Variants in CUL1 observed in about 807,000 individuals in gnomAD.
CUL1 encodes the protein cullin 1, also known as cullin-1.
A neutral mutation model predicts 118.0 loss-of-function variants in CUL1; 24 were observed. The observed-to-expected ratio is 0.20, with a 90% CI of 0.15 to 0.29. The LOEUF is 0.29. Among genes scored for constraint, CUL1 ranks in the 10% least tolerant of loss-of-function variants. The probability of loss-of-function intolerance (pLI) is 1.00; values close to 1 mark genes in which losing one functional copy is unlikely to be tolerated. For synonymous variants in CUL1, 332 were observed against 340.4 expected, an observed-to-expected ratio of 0.98 and a Z score of 0.27; for missense variants, 361 against 933.8, an observed-to-expected ratio of 0.39 and a Z score of 7.99.
chr7:148,778,459 T>C (rs924678773), intron 9 of CUL1, among the ~76,000 whole-genome samples: 5 of 152,146 alleles, frequency 3.3e-5, no homozygotes, highest in Admixed American at 6.5e-5. Flanking sequence ...ATACTCTCTA[T>C]GGTTTTATTT....
chr7:148,720,380 G>C (rs546226697), intron 1 of CUL1, among the ~76,000 whole-genome samples: 2 of 152,208 alleles, frequency 1.3e-5, no homozygotes, highest in Admixed American at 6.5e-5. Flanking sequence ...ATAAGAAGGA[G>C]ATAGAATTCA....
At chr7:148,798,729 G>A in intron 20 of CUL1, 52 bp downstream of exon 20, 1 of 1,474,856 alleles carries the variant, frequency 6.8e-7, no homozygotes. Context: ...CGCAGGGATG[G>A]CTCGCAAGGA....
At position 148,741,456 on chromosome 7, in the gene CUL1, T is replaced by C. The variant is rs924989906; in HGVS notation, c.140+11194T>C. Among the ~76,000 whole-genome samples, 4 of 150,728 alleles carry C rather than the reference T, an allele frequency of 2.7e-5. No homozygotes were observed. In the East Asian group the frequency reaches 5.8e-4, roughly 22 times the overall value. On this transcript the variant is annotated intron_variant, in intron 2 of 21. Coordinates refer to ENST00000325222, the MANE Select transcript of CUL1 (RefSeq NM_003592.3). ...ATTTATTTAGTTATTTACTTACTTA[T>C]TTTGAGACAGAGTCTTGCTGTAATT...
chr7:148,741,561 C>G (rs538479561), intron 2 of CUL1, among the ~76,000 whole-genome samples: 4 of 152,270 alleles, frequency 2.6e-5, no homozygotes, highest in Admixed American at 6.5e-5. Flanking sequence ...GCCTCAGCCT[C>G]CCGAGTAGCT....
chr7:148,708,095 A>T (rs1797943736), intron 1 of CUL1, among the ~76,000 whole-genome samples: 1 of 152,174 alleles, frequency 6.6e-6, no homozygotes, highest in East Asian at 1.9e-4. Context: ...CTAACTCTTC[A>T]TGAGCATTCA....
chr7:148,793,198 A>T (rs759315449), intron 17 of CUL1, among the ~76,000 whole-genome samples: 30 of 152,060 alleles, frequency 2.0e-4, no homozygotes, highest in Non-Finnish European at 4.1e-4. Context: ...CATACTCCTC[A>T]TCCATGCTTT....
chr7:148,788,839 C>T (rs538736025), intron 14 of CUL1, among the ~76,000 whole-genome samples, 165 bp downstream of exon 14: 15 of 152,338 alleles, frequency 9.8e-5, no homozygotes, highest in African/African-American at 3.1e-4. Flanking sequence ...CCCCGACTCC[C>T]GTGTGACATT....
chr7:148,786,407 G>C (rs1044446044), intron 11 of CUL1, 144 bp from the exon 12 acceptor site: 18 of 625,364 alleles, frequency 2.9e-5, no homozygotes, highest in Non-Finnish European at 3.1e-5. Flanking sequence ...TTTGCTGTAG[G>C]TAAGGAAAGT....
intron 3 of CUL1, 29 bp downstream of exon 3, chr7:148,754,179 T>C: frequency 7.3e-7 from 1 of 1,365,400 alleles, no homozygotes; most frequent in Non-Finnish European, 1.0e-6. Flanking sequence ...ATACTGAGTA[T>C]TCATAACAGG....
intron 1 of CUL1, among the ~76,000 whole-genome samples, chr7:148,725,198 TACACACACACACACGCGCGCGCTCAC>T (rs1798523776): frequency 9.4e-6 from 1 of 106,754 alleles, no homozygotes; most frequent in Non-Finnish European, 2.1e-5. Context: ...TGCGCGCGTG[TACACACACACACACGCGCGCGCTCAC>T]ACACACACAC....
At chr7:148,752,162 T>G (rs767624265) in intron 2 of CUL1, among the ~76,000 whole-genome samples, 8 of 152,178 alleles carry the variant, frequency 5.3e-5, no homozygotes, top group Non-Finnish European at 1.2e-4. Context: ...TGATACACAT[T>G]TATCCAGCAA....
chr7:148,791,778 C>T (rs1584821909), intron 16 of CUL1, among the ~76,000 whole-genome samples: 1 of 152,228 alleles, frequency 6.6e-6, no homozygotes, highest in East Asian at 1.9e-4. Context: ...TGGGTCATTA[C>T]TTGTTGCTGT....
chr7:148,736,509 C>T (rs532245040), intron 2 of CUL1, among the ~76,000 whole-genome samples: 3 of 152,174 alleles, frequency 2.0e-5, no homozygotes, highest in Admixed American at 6.5e-5. Context: ...TGCTATGTTG[C>T]CCAGGCTGGT....
chr7:148,707,663 C>G (rs991029172), intron 1 of CUL1, among the ~76,000 whole-genome samples: 1 of 151,732 alleles, frequency 6.6e-6, no homozygotes, highest in Non-Finnish European at 1.5e-5. Context: ...CTGACAGGCC[C>G]CAGTGAGTGT....
chr7:148,768,120 A>G (rs1011222795), intron 9 of CUL1, among the ~76,000 whole-genome samples: 8 of 152,154 alleles, frequency 5.3e-5, no homozygotes, highest in Admixed American at 2.0e-4. Flanking sequence ...TGATCTGGAT[A>G]GTAGCCTCTG....
rs1005217668 is a variant in CUL1, at chr7:148,729,989, T to A, written c.-134T>A. ...TTGCCTGCAATGAGATTTCATTCTCTACATTTAAAGGACATCCTTTCTGAG... is the reference window on the plus strand; with the variant it reads ...TTGCCTGCAATGAGATTTCATTCTCAACATTTAAAGGACATCCTTTCTGAG... On this transcript the variant is annotated 5_prime_UTR_variant, in exon 2 of 22. Transcript: ENST00000325222. 4 of 1,005,052 alleles carry A rather than the reference T, an allele frequency of 4.0e-6. No homozygotes were observed. In the African/African-American group the frequency reaches 6.5e-5, roughly 16 times the overall value. 62.3% of individuals were successfully genotyped at this position (1,005,052 alleles called of 1,614,324 possible).
rs1799738310 is a variant in CUL1, at chr7:148,758,672, G to GT, written c.484-631dup. On this transcript the variant is annotated intron_variant, in intron 4 of 21. Coordinates refer to ENST00000325222, the MANE Select transcript of CUL1 (RefSeq NM_003592.3). The stretch of plus-strand genomic sequence containing the variant: ...GATGCATGACTAGTTTTTATTGTCT[G>GT]TATAGCTCCAGTTTCTATACCAAAA... Among the ~76,000 whole-genome samples the GT allele has an allele frequency of 2.6e-5, 4 of 152,164 alleles. No homozygotes were observed. In the South Asian group the frequency reaches 8.3e-4, roughly 32 times the overall value.
intron 1 of CUL1, among the ~76,000 whole-genome samples, chr7:148,725,434 G>C (rs1289568440): frequency 6.6e-6 from 1 of 152,214 alleles, no homozygotes; most frequent in Non-Finnish European, 1.5e-5. Context: ...CAGCCCAGCG[G>C]GAGTTAAAGG....
intron 19 of CUL1, 116 bp downstream of exon 19, chr7:148,798,135 G>A (rs1399945569): frequency 2.1e-5 from 13 of 620,980 alleles, no homozygotes; most frequent in Middle Eastern, 8.5e-4. Context: ...AGTGTGAAGC[G>A]ACAGGCACTA....
Sources: allele counts gnomAD v4.1 joint callset (sites outside exome capture counted in the v4.1 genomes callset), GRCh38; gene constraint gnomAD v4.1.1; transcripts MANE v1.5; gene names NCBI Gene and HGNC (gene_info 2026-07-23, HGNC 2026-07-21).